The following PTPRK variants were observed in gnomAD, a reference collection of about 807,000 sequenced individuals.
PTPRK encodes receptor-type tyrosine-protein phosphatase kappa.
Under a neutral mutation model 178.0 loss-of-function variants are expected in PTPRK, and 75 were observed. The observed-to-expected ratio is 0.42, with a 90% CI of 0.35 to 0.51. PTPRK has a LOEUF of 0.51. PTPRK is among the 20% of genes least tolerant of loss of function. The pLI is 0.02. For synonymous variants in PTPRK, 637 were observed against 620.6 expected (o/e 1.03, Z -0.39); for missense variants, 1,441 against 1,797.8 (o/e 0.80, Z 3.59).
chr6:128,172,631 T>A (rs1800446006), intron 7 of PTPRK, among the ~76,000 whole-genome samples: 1 of 150,764 alleles, frequency 6.6e-6, no homozygotes, highest in Non-Finnish European at 1.5e-5. Flanking sequence ...ATATAGTGTG[T>A]GTGTATATAT....
chr6:128,136,800 T>C (rs529984339), intron 7 of PTPRK, among the ~76,000 whole-genome samples: 109 of 152,346 alleles, frequency 7.2e-4, no homozygotes, highest in African/African-American at 2.5e-3. Context: ...TTCTTCACTC[T>C]TTGGCCCACT....
intron 3 of PTPRK, among the ~76,000 whole-genome samples, chr6:128,300,301 G>A (rs1252826118): frequency 1.3e-5 from 2 of 152,224 alleles, no homozygotes; most frequent in East Asian, 3.9e-4. Flanking sequence ...AACCCCTGTG[G>A]AAGTCAGTGG....
At chr6:128,248,098 G>C (rs1202994440) in intron 3 of PTPRK, among the ~76,000 whole-genome samples, 1 of 152,124 alleles carries the variant, frequency 6.6e-6, no homozygotes, top group East Asian at 1.9e-4. Context: ...CACACACAAA[G>C]ATAGAATGAC....
At chr6:127,996,813 A>T in intron 17 of PTPRK, 88 bp downstream of exon 17, 1 of 1,449,510 alleles carries the variant, frequency 6.9e-7, no homozygotes, top group East Asian at 2.5e-5. Flanking sequence ...TCATAAACAG[A>T]CACACCACTC....
At chr6:128,300,175 C>A (rs1416104139) in intron 3 of PTPRK, among the ~76,000 whole-genome samples, 1 of 152,036 alleles carries the variant, frequency 6.6e-6, no homozygotes, top group East Asian at 1.9e-4. Flanking sequence ...CAATGAGATA[C>A]CATCTCACAC....
chr6:128,490,361 C>G (rs904114786), intron 1 of PTPRK, among the ~76,000 whole-genome samples: 1 of 152,110 alleles, frequency 6.6e-6, no homozygotes. Context: ...CCAACCATGA[C>G]GAGAGTAAAG....
chr6:128,003,121 A>T (rs1375698232), intron 15 of PTPRK: 1 of 1,417,468 alleles, frequency 7.1e-7, no homozygotes, highest in Non-Finnish European at 9.8e-7. Flanking sequence ...CACTGTAAAT[A>T]ATCTCTATGT....
At chr6:128,313,444 AAGG>A (rs1171869904) in intron 3 of PTPRK, among the ~76,000 whole-genome samples, 1 of 152,180 alleles carries the variant, frequency 6.6e-6, no homozygotes. Flanking sequence ...ACACACGTCC[AAGG>A]AGAAGGGAGA....
chr6:128,213,124 T>C (rs1310012678), intron 6 of PTPRK, among the ~76,000 whole-genome samples: 1 of 152,078 alleles, frequency 6.6e-6, no homozygotes, highest in Non-Finnish European at 1.5e-5. Flanking sequence ...TAATGGACTA[T>C]ATGAACAATT....
chr6:128,514,826 C>A (rs908121837), intron 1 of PTPRK, among the ~76,000 whole-genome samples: 2 of 152,048 alleles, frequency 1.3e-5, no homozygotes, highest in African/African-American at 4.8e-5. Context: ...CCTCAACAAT[C>A]TAAAAAAAAC....
chr6:128,459,788 T>C (rs1366612678), intron 1 of PTPRK, among the ~76,000 whole-genome samples: 1 of 152,194 alleles, frequency 6.6e-6, no homozygotes, highest in Non-Finnish European at 1.5e-5. Context: ...CTTGCATTGC[T>C]ATAAAGAAAT....
chr6:128,341,971 G>A (rs902473150), intron 2 of PTPRK, among the ~76,000 whole-genome samples: 2 of 152,226 alleles, frequency 1.3e-5, no homozygotes, highest in African/African-American at 4.8e-5. Context: ...AGGTATATAC[G>A]GCCAGTCGCA....
At chr6:128,471,570 A>C (rs985666786) in intron 1 of PTPRK, among the ~76,000 whole-genome samples, 17 of 149,854 alleles carry the variant, frequency 1.1e-4, no homozygotes, top group African/African-American at 3.5e-4. Context: ...GAAAAATTTA[A>C]ATCAGAAAGG....
intron 13 of PTPRK, among the ~76,000 whole-genome samples, chr6:128,039,984 T>C (rs920777587): frequency 6.6e-6 from 1 of 152,190 alleles, no homozygotes; most frequent in East Asian, 1.9e-4. Context: ...CATGATGATG[T>C]GAATTCTAAA....
chr6:128,055,889 C>T (rs1779802519), intron 13 of PTPRK, among the ~76,000 whole-genome samples: 1 of 152,096 alleles, frequency 6.6e-6, no homozygotes, highest in Non-Finnish European at 1.5e-5. Context: ...GCATGAGCCA[C>T]CATGTCTGGC....
intron 2 of PTPRK, among the ~76,000 whole-genome samples, chr6:128,356,629 C>T (rs1430821378): frequency 1.3e-5 from 2 of 152,164 alleles, no homozygotes; most frequent in African/African-American, 2.4e-5. Context: ...TCTGTCCATC[C>T]TTCAAGTAAT....
chr6:128,200,851 GGGAGGA>G (rs1349538895), intron 6 of PTPRK, among the ~76,000 whole-genome samples: 1 of 133,138 alleles, frequency 7.5e-6, no homozygotes, highest in Non-Finnish European at 1.6e-5. Flanking sequence ...GGAGGAGGGG[GGGAGGA>G]GGAGGGGGAG....
At chr6:128,221,604 C>T (rs1810432091) in intron 5 of PTPRK, among the ~76,000 whole-genome samples, 1 of 151,732 alleles carries the variant, frequency 6.6e-6, no homozygotes. Context: ...TTCTCCATAT[C>T]TTAAATCATG....
At chr6:128,342,584 T>A (rs914730466) in intron 2 of PTPRK, among the ~76,000 whole-genome samples, 1 of 151,918 alleles carries the variant, frequency 6.6e-6, no homozygotes, top group Non-Finnish European at 1.5e-5. Flanking sequence ...AGGCTCATTA[T>A]GTAGTTATAC....
Sources: allele counts gnomAD v4.1 joint callset (sites outside exome capture counted in the v4.1 genomes callset), GRCh38; gene constraint gnomAD v4.1.1; transcripts MANE v1.5; gene names NCBI Gene and HGNC (gene_info 2026-07-23, HGNC 2026-07-21).